Variants in CRB1 observed in about 807,000 individuals in gnomAD.
The protein encoded by CRB1 is crumbs cell polarity complex component 1, also known as protein crumbs homolog 1.
A neutral mutation model predicts 120.0 loss-of-function variants in CRB1; 83 were observed. The observed-to-expected ratio is 0.69, with a 90% CI of 0.58 to 0.83. The LOEUF is 0.83. Among genes scored for constraint, CRB1 ranks in the 40% least tolerant of loss-of-function variants. CRB1 has a pLI of 0.00. For missense variants in CRB1, 1,699 were observed against 1,687.6 expected, an observed-to-expected ratio of 1.01 and a Z score of -0.12; for synonymous variants, 625 against 612.5, an observed-to-expected ratio of 1.02 and a Z score of -0.30.
At chr1:197,452,450 G>T (rs1195114958) in intron 11 of CRB1, among the ~76,000 whole-genome samples, 1 of 152,204 alleles carries the variant, frequency 6.6e-6, no homozygotes, top group African/African-American at 2.4e-5. Flanking sequence ...GGATCTTAGA[G>T]GATGTAGGAG....
intron 11 of CRB1, among the ~76,000 whole-genome samples, chr1:197,461,594 GA>G (rs945337809): frequency 3.9e-5 from 6 of 152,114 alleles, no homozygotes; most frequent in Non-Finnish European, 8.8e-5. Context: ...CGTATAACAA[GA>G]ACCATCATCA....
Position 197,361,400 on chromosome 1 carries a change from A to G in CRB1, c.1171+4387A>G, listed in dbSNP as rs117370103. ...GAGATTCCATTTTCTGGATCTTTTG[A>G]ATTGCAAATTTAATTTCAGTATTGT... On this transcript the variant is annotated intron_variant, in intron 5 of 11. Transcript: ENST00000367400. Among the ~76,000 whole-genome samples, 111 of 152,194 alleles carry G rather than the reference A, an allele frequency of 7.3e-4. No homozygotes were observed. The East Asian group carries it at 0.02, about 28-fold the overall frequency.
the CRB1 span, among the ~76,000 whole-genome samples, chr1:197,229,227 A>G: frequency 1.6e-4 from 24 of 152,162 alleles, no homozygotes; most frequent in African/African-American, 5.8e-4. Context: ...GCTCAAACTG[A>G]CAGAGACAGG....
At chr1:197,299,772 T>C (rs1045294340) in intron 1 of CRB1, among the ~76,000 whole-genome samples, 4 of 152,038 alleles carry the variant, frequency 2.6e-5, no homozygotes, top group Non-Finnish European at 5.9e-5. Flanking sequence ...CATGATGTGC[T>C]ATACAGACGT....
chr1:197,455,203 C>T (rs893992178), intron 11 of CRB1, among the ~76,000 whole-genome samples: 9 of 152,142 alleles, frequency 5.9e-5, no homozygotes, highest in East Asian at 3.9e-4. Context: ...TTATGTTTTA[C>T]TTGATTCTCT....
At chr1:197,255,799 G>A in the CRB1 span, among the ~76,000 whole-genome samples, 1 of 151,520 alleles carries the variant, frequency 6.6e-6, no homozygotes, top group African/African-American at 2.4e-5. Flanking sequence ...TGAGTATCTA[G>A]CACTGATGTG....
the CRB1 span, among the ~76,000 whole-genome samples, chr1:197,206,965 C>T: frequency 2.0e-5 from 3 of 152,108 alleles, no homozygotes; most frequent in African/African-American, 4.8e-5. Context: ...TCCTGTTGGA[C>T]AAGGCCTTTT....
At chr1:197,344,689 A>G (rs1659670389) in intron 3 of CRB1, among the ~76,000 whole-genome samples, 1 of 152,224 alleles carries the variant, frequency 6.6e-6, no homozygotes, top group Non-Finnish European at 1.5e-5. Context: ...TCATTCTTGT[A>G]ATAGTTTAGA....
At chr1:197,455,667 A>G (rs1440826439) in intron 11 of CRB1, among the ~76,000 whole-genome samples, 1 of 152,200 alleles carries the variant, frequency 6.6e-6, no homozygotes, top group Non-Finnish European at 1.5e-5. Flanking sequence ...TTAAATACCA[A>G]GATAATTGAC....
intron 1 of CRB1, among the ~76,000 whole-genome samples, chr1:197,311,675 C>T (rs1657527091): frequency 6.7e-6 from 1 of 148,596 alleles, no homozygotes; most frequent in Non-Finnish European, 1.5e-5. Flanking sequence ...AGTTAGTTAA[C>T]ACATGCATCA....
chr1:197,401,427 T>G (rs894277181), intron 5 of CRB1, among the ~76,000 whole-genome samples: 2 of 152,192 alleles, frequency 1.3e-5, no homozygotes, highest in Admixed American at 1.3e-4. Flanking sequence ...ATTTAGCATG[T>G]TTTAAATAAA....
the CRB1 span, among the ~76,000 whole-genome samples, chr1:197,255,032 T>C: frequency 0.012 from 1,768 of 152,166 alleles, 29 homozygotes; most frequent in African/African-American, 0.04. Flanking sequence ...CTGTCATGGA[T>C]TCTTAATTAA....
At position 197,428,873 on chromosome 1, in the gene CRB1, T is replaced by C. The variant is rs1454644153; in HGVS notation, c.2677-576T>C. Reference sequence around the variant, plus strand: ...AATAGTAGACCCAGGACAAACACAGTTCATGCTCTAATAAATTTCTTTTTA... The same window carrying C: ...AATAGTAGACCCAGGACAAACACAGCTCATGCTCTAATAAATTTCTTTTTA... On this transcript the variant is annotated intron_variant, in intron 7 of 11. Coordinates refer to ENST00000367400, the MANE Select transcript of CRB1 (RefSeq NM_201253.3). The C allele has an allele frequency of 4.0e-6, 5 of 1,255,344 alleles. No individual in the cohort carries two copies. In the Admixed American group the frequency reaches 9.0e-5, roughly 23 times the overall value. 77.8% of individuals were successfully genotyped at this position (1,255,344 alleles called of 1,614,324 possible).
intron 2 of CRB1, 131 bp from the exon 3 acceptor site, chr1:197,344,150 A>G: frequency 1.1e-6 from 1 of 919,830 alleles, no homozygotes; most frequent in African/African-American, 1.6e-5. Context: ...AATTACAATT[A>G]AGGGGGAAAG....
chr1:197,257,342 G>A, the CRB1 span, among the ~76,000 whole-genome samples: 1 of 152,022 alleles, frequency 6.6e-6, no homozygotes, highest in Admixed American at 6.6e-5. Flanking sequence ...TGATTCAAAT[G>A]GTAATCTCTT....
At position 197,438,556 on chromosome 1, in the gene CRB1, A is replaced by G; in HGVS notation, c.3759A>G (p.Arg1253=). The G allele has an allele frequency of 6.2e-7, 1 of 1,612,414 alleles. No individual in the cohort carries two copies. Among genetic ancestry groups the G allele is most frequent in the South Asian group, 1.1e-5 (1 of 91,066 alleles). ...NFTGKFCRQS[R]LPSTVCGNEK... is the part of the protein sequence containing the mutation. ...GCTTTTATCTCTCTAGACAGAGCAGATTACCCTCAACAGTCTGTGGGAATG... is the reference window on the plus strand; with the variant it reads ...GCTTTTATCTCTCTAGACAGAGCAGGTTACCCTCAACAGTCTGTGGGAATG... The change falls in exon 10 of 12, where the codon AGA becomes AGG. Residue 1253 remains arginine, a synonymous_variant. Transcript: ENST00000367400.
chr1:197,373,838 A>G (rs904770839), intron 5 of CRB1, among the ~76,000 whole-genome samples: 1 of 152,202 alleles, frequency 6.6e-6, no homozygotes, highest in Non-Finnish European at 1.5e-5. Flanking sequence ...TGACAAAAAT[A>G]CACCATTGTC....
intron 11 of CRB1, among the ~76,000 whole-genome samples, chr1:197,474,350 G>A (rs1023559046): frequency 2.6e-5 from 4 of 152,170 alleles, no homozygotes; most frequent in Non-Finnish European, 5.9e-5. Flanking sequence ...TGCCTCTGAA[G>A]ACTGACCTCT....
chr1:197,381,545 G>A (rs943411976), intron 5 of CRB1, among the ~76,000 whole-genome samples: 2 of 152,114 alleles, frequency 1.3e-5, no homozygotes, highest in East Asian at 3.9e-4. Context: ...GTAACTAAAC[G>A]TGTTTCCTCA....
Sources: gnomAD v4.1 joint callset for allele counts (sites outside exome capture counted in the v4.1 genomes callset) on GRCh38, gnomAD v4.1.1 for gene constraint, MANE v1.5 for transcripts, NCBI Gene and HGNC (gene_info 2026-07-23, HGNC 2026-07-21) for gene names.